The following MAPK6 variants were observed in gnomAD, a reference collection of about 807,000 sequenced individuals.
MAPK6 encodes the protein mitogen-activated protein kinase 6.
MAPK6 carries 19 observed loss-of-function variants against 59.3 expected under a neutral mutation model. The observed-to-expected ratio is 0.32, with a 90% CI of 0.22 to 0.47. MAPK6 has a LOEUF of 0.47. Among genes scored for constraint, MAPK6 ranks in the 20% least tolerant of loss-of-function variants. The pLI is 1.00. For synonymous variants in MAPK6, 316 were observed against 290.3 expected (o/e 1.09, Z -0.90); for missense variants, 724 against 847.9 (o/e 0.85, Z 1.81).
chr15:52,026,406 T>C (rs2921954), intron 1 of MAPK6, among the ~76,000 whole-genome samples: 152,043 of 152,294 alleles, frequency 1, 75,902 homozygotes, highest in Middle Eastern at 1. Context: ...ATTCTCCTGC[T>C]GCAGCCTCCC....
chr15:51,998,783 T>C (rs1381777960), intron 2 of MAPK6, among the ~76,000 whole-genome samples: 3 of 135,148 alleles, frequency 2.2e-5, no homozygotes, highest in Admixed American at 8.2e-5. Flanking sequence ...CTCCGCCTCC[T>C]GGGTTCACGC....
intron 1 of MAPK6, among the ~76,000 whole-genome samples, chr15:51,976,353 G>A (rs1253527326): frequency 6.6e-6 from 1 of 151,466 alleles, no homozygotes; most frequent in African/African-American, 2.4e-5. Context: ...GTGAAGATGG[G>A]GGTTAGTCAG....
chr15:51,975,824 A>C (rs1428934919), intron 1 of MAPK6, among the ~76,000 whole-genome samples: 1 of 152,038 alleles, frequency 6.6e-6, no homozygotes, highest in African/African-American at 2.4e-5. Flanking sequence ...CTATAGCAGT[A>C]AGTAAATACT....
At chr15:52,043,447 A>G (rs1460938843) in intron 1 of MAPK6, among the ~76,000 whole-genome samples, 2 of 151,434 alleles carry the variant, frequency 1.3e-5, no homozygotes, top group Non-Finnish European at 1.5e-5. Context: ...ACAGGCACCT[A>G]TCACCACGCT....
Position 52,064,967 on chromosome 15 carries a change from A to C in MAPK6, c.2133A>C (p.Gln711His), listed in dbSNP as rs558995287. 3.7e-6 allele frequency: 6 copies of C among 1,611,024 alleles called. No homozygotes were observed. The highest frequency in any genetic ancestry group is 2.2e-4 in the Middle Eastern group (1 of 4,450). Reference protein sequence around the residue: ...AMKSSPQIPHQTYSSILKHLN With the variant: ...AMKSSPQIPHHTYSSILKHLN ...AATCTTCCCCTCAAATTCCTCATCA[A>C]ACATACAGCAGCATTCTGAAACATC... is the stretch of plus-strand genomic sequence containing the variant. The change falls in exon 6 of 6, where the codon CAA becomes CAC. Residue 711 changes from glutamine (Q) to histidine (H), a missense_variant. This residue lies in a region of MAPK6 where 502 missense variants were observed against 507.6 expected (regional missense o/e 0.99). Transcript: ENST00000261845.
intron 1 of MAPK6, among the ~76,000 whole-genome samples, chr15:51,981,428 T>C (rs3110551): frequency 0.43 from 65,007 of 149,860 alleles, 14,222 homozygotes; most frequent in Admixed American, 0.53. Context: ...GCCGAGATCG[T>C]GCCACTGCAG....
At chr15:52,063,879 G>T in intron 5 of MAPK6, 23 bp from the exon 6 acceptor site, 1 of 1,525,206 alleles carries the variant, frequency 6.6e-7, no homozygotes, top group Admixed American at 2.2e-5. Context: ...GTAGAATAAC[G>T]CTAGTGTATT....
intron 1 of MAPK6, among the ~76,000 whole-genome samples, chr15:52,032,986 C>G (rs1232345173): frequency 1.3e-5 from 2 of 151,854 alleles, no homozygotes; most frequent in Admixed American, 1.3e-4. Flanking sequence ...CGCCCGGCCT[C>G]CTTTTTTTTA....
rs759581831 is a variant in MAPK6 at position 52,005,440 on chromosome 15, T to C, written c.-632+1038T>C. On this transcript the variant is annotated intron_variant, in intron 3 of 7. Coordinates refer to the MAPK6 transcript ENST00000691380. ...TACTCAGGAGGCTGAGGCAGGAGAATTGCTTGAACTTGGGAGGTGGAGGTT... is the reference window on the plus strand; with the variant it reads ...TACTCAGGAGGCTGAGGCAGGAGAACTGCTTGAACTTGGGAGGTGGAGGTT... Among the ~76,000 whole-genome samples, 19 of 151,960 alleles carry C rather than the reference T, an allele frequency of 1.3e-4. 1 individual carries two copies. The highest frequency in any genetic ancestry group is 4.2e-4 in the South Asian group (2 of 4,814).
chr15:52,049,973 GT>G lies in MAPK6; in HGVS notation c.556-14del. Reference sequence around the variant, plus strand: ...TCTTCAGCTAAAGTAAAAAAAGTATGTTTTTTGTTTCTTTTATAGGGTCATC... The same window carrying G: ...TCTTCAGCTAAAGTAAAAAAAGTATGTTTTTGTTTCTTTTATAGGGTCATC... On this transcript the variant is annotated intron_variant, in intron 2 of 5. Coordinates refer to ENST00000261845, the MANE Select transcript of MAPK6 (RefSeq NM_002748.4). The G allele has an allele frequency of 6.2e-7, 1 of 1,600,666 alleles. No homozygotes were observed. Among genetic ancestry groups the G allele is most frequent in the Non-Finnish European group, 8.5e-7 (1 of 1,170,392 alleles).
intron 3 of MAPK6, among the ~76,000 whole-genome samples, chr15:52,013,900 T>C (rs74013641): frequency 0.055 from 8,395 of 152,248 alleles, 452 homozygotes; most frequent in African/African-American, 0.13. Context: ...GTATCCTTTA[T>C]GTTCCTCTCC....
chr15:52,048,838 C>CT (rs1369908167), intron 2 of MAPK6, among the ~76,000 whole-genome samples: 9 of 152,086 alleles, frequency 5.9e-5, no homozygotes, highest in Admixed American at 2.6e-4. Flanking sequence ...ACACAGACAA[C>CT]TTTTTTTTCC....
chr15:52,049,766 C>T (rs1182465649), intron 2 of MAPK6, among the ~76,000 whole-genome samples: 2 of 151,998 alleles, frequency 1.3e-5, no homozygotes, highest in African/African-American at 2.4e-5. Context: ...AGGCATGCAC[C>T]ACCACACCTG....
intron 1 of MAPK6, among the ~76,000 whole-genome samples, chr15:51,978,901 G>A (rs963410910): frequency 7.3e-5 from 11 of 151,262 alleles, no homozygotes; most frequent in Admixed American, 1.3e-4. Flanking sequence ...TGGGCAGATC[G>A]TTTGAGTCCA....
At chr15:52,033,263 T>C (rs537090425) in intron 1 of MAPK6, among the ~76,000 whole-genome samples, 79 of 152,280 alleles carry the variant, frequency 5.2e-4, no homozygotes, top group African/African-American at 1.8e-3. Context: ...GGTGTGTCTG[T>C]CAGGGTGTTG....
chr15:51,992,659 C>G (rs553030646), intron 2 of MAPK6, among the ~76,000 whole-genome samples: 1 of 152,276 alleles, frequency 6.6e-6, no homozygotes, highest in South Asian at 2.1e-4. Context: ...ACCTGTACTT[C>G]TGACCCATCA....
Position 52,046,264 on chromosome 15 carries a change from C to T in MAPK6, c.-197C>T. Reference sequence around the variant, plus strand: ...TTTTTAATTCTCAATATGAATAGAGCTTTTTGAGCTTTAAATCTAAGGGGA... The same window carrying T: ...TTTTTAATTCTCAATATGAATAGAGTTTTTTGAGCTTTAAATCTAAGGGGA... On this transcript the variant is annotated 5_prime_UTR_variant, in exon 2 of 6. Transcript: ENST00000261845. The T allele has an allele frequency of 1.9e-6, 1 of 528,284 alleles. No homozygotes were observed. Among genetic ancestry groups the T allele is most frequent in the Non-Finnish European group, 3.3e-6 (1 of 300,860 alleles). The allele number at this position is 528,284 out of a possible 1,614,324, so 32.7% of individuals were successfully genotyped here.
chr15:52,053,071 T>G (rs915638765), intron 3 of MAPK6, among the ~76,000 whole-genome samples: 3 of 103,702 alleles, frequency 2.9e-5, no homozygotes, highest in African/African-American at 5.0e-5. Context: ...CTCATTGTGG[T>G]TTTTTTTTTT....
At chr15:52,058,592 A>G (rs915893609) in intron 3 of MAPK6, 41 bp from the exon 4 acceptor site, 1 of 1,513,260 alleles carries the variant, frequency 6.6e-7, no homozygotes, top group South Asian at 1.3e-5. Flanking sequence ...AAATAAGTAA[A>G]CATTGAGGAA....
Sources: gnomAD v4.1 joint callset for allele counts (sites outside exome capture counted in the v4.1 genomes callset) on GRCh38, gnomAD v4.1.1 for gene constraint, gnomAD v4.1.1 regional missense constraint, MANE v1.5 for transcripts, NCBI Gene and HGNC (gene_info 2026-07-23, HGNC 2026-07-21) for gene names.